The following ECE1 variants were observed in gnomAD, a reference collection of about 807,000 sequenced individuals.
ECE1 encodes endothelin-converting enzyme 1.
ECE1 carries 35 observed loss-of-function variants against 98.6 expected under a neutral mutation model. The observed-to-expected ratio is 0.35, with a 90% CI of 0.27 to 0.47. The LOEUF (loss-of-function observed/expected upper bound fraction) is 0.47. Ranked by LOEUF, ECE1 falls within the 20% of genes least tolerant of loss-of-function variation. The pLI is 1.00. For synonymous variants in ECE1, 394 were observed against 407.1 expected (o/e 0.97, Z 0.39); for missense variants, 814 against 1,025.3 (o/e 0.79, Z 2.81).
In ECE1 at chr1:21,258,789, G is replaced by A; in HGVS notation, c.666C>T (p.Asp222=). The change falls in exon 6 of 19, where the codon GAC becomes GAT. Residue 222 remains aspartate, a synonymous_variant. Transcript: ENST00000374893. This position sits in a 1 kb window ranked among gnomAD's most constrained non-coding sequence, Gnocchi z 4.2. ...TGPWAKDNFQ[D]TLQVVTAHYR... ...AGTGGGCGGTGACCACCTGCAGGGT[G>A]TCCTGGAAGTTGTCCTTGGCCCAGG... 3 of 1,614,230 alleles carry A rather than the reference G, an allele frequency of 1.9e-6. No individual in the cohort carries two copies. Among genetic ancestry groups the A allele is most frequent in the African/African-American group, 1.3e-5 (1 of 75,044 alleles).
intron 1 of ECE1, among the ~76,000 whole-genome samples, chr1:21,303,955 A>T (rs1293112326): frequency 6.6e-6 from 1 of 151,914 alleles, no homozygotes; most frequent in Non-Finnish European, 1.5e-5. Flanking sequence ...CTGGCTTAGA[A>T]AAGTTTTTGA....
Position 21,304,475 on chromosome 1 carries a change from C to T in ECE1, c.4-14319G>A, listed in dbSNP as rs546042582. Among the ~76,000 whole-genome samples, 7 of 152,112 alleles carry T rather than the reference C, an allele frequency of 4.6e-5. No homozygotes were observed. In the South Asian group the frequency reaches 1.5e-3, roughly 32 times the overall value. ...ACCCCTTATCTCCTCCTCACTGTGG[C>T]CCCAGGGTGAGCTGCCAATTTTCAT... is the stretch of plus-strand genomic sequence containing the variant. On this transcript the variant is annotated intron_variant, in intron 1 of 18. Transcript: ENST00000415912.
intron 1 of ECE1, among the ~76,000 whole-genome samples, chr1:21,300,287 T>G (rs1638455356): frequency 6.6e-6 from 1 of 152,128 alleles, no homozygotes; most frequent in South Asian, 2.1e-4. Context: ...TGGAGTCAGG[T>G]GGGTGGCTCT....
At chr1:21,336,033 C>G (rs921609104) in intron 1 of ECE1, among the ~76,000 whole-genome samples, 2 of 152,242 alleles carry the variant, frequency 1.3e-5, no homozygotes, top group African/African-American at 4.8e-5. Flanking sequence ...GGCAGGGCTA[C>G]AGAGTGAATC....
rs2098172269 is a variant in ECE1 at position 21,225,129 on chromosome 1, G to A, written c.2040+121C>T. On this transcript the variant is annotated intron_variant, in intron 17 of 18. Transcript: ENST00000374893. This position sits in a 1 kb window ranked among gnomAD's most constrained non-coding sequence, Gnocchi z 5.3. Reference sequence around the variant, plus strand: ...TCGCCACCCCCAATTTCGCAGAAGAGGAAACGGAAGCTCGCACGGCTGCTG... The same window carrying A: ...TCGCCACCCCCAATTTCGCAGAAGAAGAAACGGAAGCTCGCACGGCTGCTG... 7.4e-7 allele frequency: 1 copy of A among 1,348,090 alleles called. No individual in the cohort carries two copies. Among genetic ancestry groups the A allele is most frequent in the Non-Finnish European group, 1.0e-6 (1 of 979,510 alleles). The allele number at this position is 1,348,090 out of a possible 1,614,324, so 83.5% of individuals were successfully genotyped here. A position where few individuals can be genotyped will look rare whatever the true frequency, so the allele number is the denominator to read the frequency against.
At chr1:21,312,452 TAAAAATTTA>T (rs1638749762) in intron 1 of ECE1, among the ~76,000 whole-genome samples, 1 of 141,066 alleles carries the variant, frequency 7.1e-6, no homozygotes, top group Non-Finnish European at 1.5e-5. Context: ...AAAATAATTT[TAAAAATTTA>T]AAAAATTAGC....
intron 1 of ECE1, among the ~76,000 whole-genome samples, chr1:21,330,328 C>T (rs12759115): frequency 4.0e-5 from 6 of 149,870 alleles, no homozygotes; most frequent in East Asian, 2.0e-4. Context: ...CTCTGCCTCC[C>T]GGGTTCAAGT....
At chr1:21,337,279 C>T (rs545191000) in intron 1 of ECE1, among the ~76,000 whole-genome samples, 1 of 152,322 alleles carries the variant, frequency 6.6e-6, no homozygotes, top group South Asian at 2.1e-4. Context: ...ACAGGCGACA[C>T]GGACAAACCT....
intron 1 of ECE1, among the ~76,000 whole-genome samples, chr1:21,333,901 C>T (rs1476658251): frequency 6.6e-6 from 1 of 152,178 alleles, no homozygotes; most frequent in Non-Finnish European, 1.5e-5. Flanking sequence ...CAACTCCGTG[C>T]ACCGTCCTGT....
At chr1:21,333,191 T>C (rs558490932) in intron 1 of ECE1, among the ~76,000 whole-genome samples, 10 of 152,004 alleles carry the variant, frequency 6.6e-5, no homozygotes, top group Non-Finnish European at 1.3e-4. Context: ...CAAACAGGTA[T>C]TGGTGGTGCG....
chr1:21,309,528 G>A (rs1432795528), intron 1 of ECE1, among the ~76,000 whole-genome samples: 1 of 152,198 alleles, frequency 6.6e-6, no homozygotes, highest in Non-Finnish European at 1.5e-5. Flanking sequence ...ATGCGTCGGA[G>A]CTCTGCTCTG....
At chr1:21,237,091 G>A (rs2796359) in intron 11 of ECE1, among the ~76,000 whole-genome samples, 8,621 of 152,148 alleles carry the variant, frequency 0.057, 789 homozygotes, top group African/African-American at 0.19. Flanking sequence ...CTTCGGGAAA[G>A]TTGGAAAAGT....
Position 21,287,963 on chromosome 1 carries a change from A to G in ECE1, c.138+2107T>C, listed in dbSNP as rs1031793909. Reference sequence around the variant, plus strand: ...CATATAAAGCTTTTACACTGGGGAAAAAAAAAAAAACAATGATTGAAAACA... The same window carrying G: ...CATATAAAGCTTTTACACTGGGGAAGAAAAAAAAAACAATGATTGAAAACA... On this transcript the variant is annotated intron_variant, in intron 2 of 18. Coordinates refer to ENST00000374893, the MANE Select transcript of ECE1 (RefSeq NM_001397.3). Among the ~76,000 whole-genome samples, 110 of 151,392 alleles carry G rather than the reference A, an allele frequency of 7.3e-4. 1 individual carries two copies. Among genetic ancestry groups the G allele is most frequent in the African/African-American group, 2.4e-3 (98 of 40,912 alleles).
At chr1:21,338,672 G>A (rs1290416745) in intron 1 of ECE1, among the ~76,000 whole-genome samples, 1 of 152,228 alleles carries the variant, frequency 6.6e-6, no homozygotes, top group Non-Finnish European at 1.5e-5. Context: ...TGAGGCCCAC[G>A]AAGGAAGACC....
In ECE1 at chr1:21,225,460, G is replaced by C; in HGVS notation, c.1850-20C>G. On this transcript the variant is annotated intron_variant, in intron 16 of 18. Coordinates refer to ENST00000374893, the MANE Select transcript of ECE1 (RefSeq NM_001397.3). The surrounding 1 kb of genome is among the most constrained non-coding windows in gnomAD (Gnocchi z 5.3). ...CCCGTCCTGTGGGTCAGAGGGAGGC[G>C]TCATGTCAAGGGAGGGAGGGGCACA... is the stretch of plus-strand genomic sequence containing the variant. The C allele has an allele frequency of 6.2e-7, 1 of 1,612,528 alleles. No homozygotes were observed. Among genetic ancestry groups the C allele is most frequent in the Non-Finnish European group, 8.5e-7 (1 of 1,179,436 alleles).
At chr1:21,321,072 C>A (rs969526416) in intron 1 of ECE1, among the ~76,000 whole-genome samples, 7 of 152,162 alleles carry the variant, frequency 4.6e-5, no homozygotes, top group Admixed American at 4.6e-4. Flanking sequence ...GCTGGAGGTA[C>A]TACCATCCCC....
chr1:21,223,866 G>A (rs1336382727), intron 17 of ECE1, among the ~76,000 whole-genome samples: 2 of 152,210 alleles, frequency 1.3e-5, no homozygotes, highest in African/African-American at 4.8e-5. Flanking sequence ...CCAAAGTGCT[G>A]GGATTATAGG....
chr1:21,281,750 G>A (rs1042867623), intron 2 of ECE1, among the ~76,000 whole-genome samples: 13 of 152,200 alleles, frequency 8.5e-5, no homozygotes, highest in African/African-American at 2.9e-4. Context: ...AGGCTGGAGT[G>A]CAATGGCACG....
At position 21,276,684 on chromosome 1, in the gene ECE1, C is replaced by CT. The variant is rs1163785168; in HGVS notation, c.280+2506dup. 6.2e-3 allele frequency among the ~76,000 whole-genome samples: 777 copies of CT among 124,566 alleles called. 9 individuals carry two copies. Among genetic ancestry groups the CT allele is most frequent in the African/African-American group, 0.014 (497 of 35,136 alleles). The allele number at this position is 124,566 out of a possible 152,430, so 81.7% of individuals were successfully genotyped here. A position where few individuals can be genotyped will look rare whatever the true frequency, so the allele number is the denominator to read the frequency against. On this transcript the variant is annotated intron_variant, in intron 3 of 18. Transcript: ENST00000374893. ...CCTTCAGAATCATCAGATTTGCTTT[C>CT]TTTTTTTTTTTTTTTTTTTGAGACG...
Sources: gnomAD v4.1 joint callset for allele counts (sites outside exome capture counted in the v4.1 genomes callset) on GRCh38, gnomAD v4.1.1 for gene constraint, Gnocchi (gnomAD v3.1) non-coding constraint, MANE v1.5 for transcripts, NCBI Gene and HGNC (gene_info 2026-07-23, HGNC 2026-07-21) for gene names.